Variants in MIS18A observed in about 807,000 individuals in gnomAD.
MIS18A encodes the protein protein Mis18-alpha.
MIS18A carries 14 observed loss-of-function variants against 25.0 expected under a neutral mutation model. The observed-to-expected ratio is 0.56, with a 90% CI of 0.37 to 0.88. MIS18A has a LOEUF of 0.88. MIS18A is among the 40% of genes least tolerant of loss of function. The pLI is 0.00. For synonymous variants in MIS18A, 134 were observed against 118.6 expected (o/e 1.13, Z -0.84); for missense variants, 292 against 290.8 (o/e 1.00, Z -0.03).
At position 32,274,867 on chromosome 21, in the gene MIS18A, C is replaced by T; in HGVS notation, c.364G>A (p.Glu122Lys). Residue 122 changes from glutamate (E) to lysine (K), a missense_variant, in exon 2 of 5, where the codon GAA becomes AAA. Physicochemically the swap from Glu to Lys is moderately conservative, Grantham distance 56 (BLOSUM62 1). Coordinates refer to ENST00000290130, the MANE Select transcript of MIS18A (RefSeq NM_018944.3). ...CVSCNVSVDK[E>K]QKLSKREKEN... The stretch of plus-strand genomic sequence containing the variant: ...TTTTCACGTTTGGATAGCTTCTGTT[C>T]CTTATCCACAGAAACATTACAGGAA... The T allele has an allele frequency of 1.9e-6, 3 of 1,612,884 alleles. No homozygotes were observed. The highest frequency in any genetic ancestry group is 2.5e-6 in the Non-Finnish European group (3 of 1,179,170).
At chr21:32,181,424 TG>T in the MIS18A span, among the ~76,000 whole-genome samples, 1 of 152,232 alleles carries the variant, frequency 6.6e-6, no homozygotes, top group African/African-American at 2.4e-5. Context: ...CTGTTGGTTC[TG>T]TTTCTCTGGG....
the MIS18A span, among the ~76,000 whole-genome samples, chr21:32,255,417 G>A: frequency 9.9e-5 from 15 of 151,700 alleles, no homozygotes; most frequent in African/African-American, 3.1e-4. Context: ...TTTTTTAGTA[G>A]AGATGCGGTT....
the MIS18A span, among the ~76,000 whole-genome samples, chr21:32,228,894 G>A: frequency 6.6e-6 from 1 of 152,142 alleles, no homozygotes; most frequent in South Asian, 2.1e-4. Context: ...TGTGTTCATA[G>A]ATTGGAAGAC....
the MIS18A span, among the ~76,000 whole-genome samples, chr21:32,201,053 G>A: frequency 0.013 from 1,945 of 152,226 alleles, 33 homozygotes; most frequent in African/African-American, 0.043. Flanking sequence ...GAGACATGGC[G>A]CCAGCATCTG....
the MIS18A span, among the ~76,000 whole-genome samples, chr21:32,183,833 C>T: frequency 6.6e-5 from 10 of 152,194 alleles, no homozygotes; most frequent in Non-Finnish European, 1.0e-4. Flanking sequence ...AGGAAGTGGT[C>T]ACCACTAAGG....
chr21:32,174,384 A>G, the MIS18A span, among the ~76,000 whole-genome samples: 1 of 152,232 alleles, frequency 6.6e-6, no homozygotes, highest in Admixed American at 6.5e-5. Flanking sequence ...AGCACTAATC[A>G]AAAGAATGCT....
chr21:32,243,828 G>A, the MIS18A span, among the ~76,000 whole-genome samples: 17 of 152,166 alleles, frequency 1.1e-4, no homozygotes, highest in African/African-American at 4.1e-4. Flanking sequence ...GACTAGCCTG[G>A]CTAACATGAT....
the MIS18A span, among the ~76,000 whole-genome samples, chr21:32,199,056 G>C: frequency 6.6e-6 from 1 of 152,202 alleles, no homozygotes; most frequent in Admixed American, 6.5e-5. Context: ...AATTGGAATG[G>C]ATTGGATTGG....
At chr21:32,230,536 C>T in the MIS18A span, among the ~76,000 whole-genome samples, 1 of 152,136 alleles carries the variant, frequency 6.6e-6, no homozygotes, top group African/African-American at 2.4e-5. Context: ...AGTTACTGAA[C>T]GGAAGGGAGT....
chr21:32,232,794 T>C, the MIS18A span, among the ~76,000 whole-genome samples: 1 of 152,144 alleles, frequency 6.6e-6, no homozygotes, highest in Non-Finnish European at 1.5e-5. Context: ...GGAGACAAAG[T>C]TGCAGATAGG....
chr21:32,198,365 T>G, the MIS18A span, among the ~76,000 whole-genome samples: 1 of 152,220 alleles, frequency 6.6e-6, no homozygotes, highest in Non-Finnish European at 1.5e-5. Flanking sequence ...TGAAAAAGAC[T>G]TCTAGACACT....
chr21:32,196,459 C>CTT, the MIS18A span, among the ~76,000 whole-genome samples: 516 of 130,986 alleles, frequency 3.9e-3, 6 homozygotes, highest in African/African-American at 0.014. Flanking sequence ...GAGCTAATGT[C>CTT]TTTTTTTTTT....
At chr21:32,189,807 C>A in the MIS18A span, among the ~76,000 whole-genome samples, 1 of 152,210 alleles carries the variant, frequency 6.6e-6, no homozygotes, top group Non-Finnish European at 1.5e-5. Context: ...CCATCCTCTG[C>A]ATCCACCCTG....
the MIS18A span, among the ~76,000 whole-genome samples, chr21:32,228,223 G>T: frequency 6.6e-6 from 1 of 152,132 alleles, no homozygotes; most frequent in East Asian, 1.9e-4. Context: ...TGAGTAGCTG[G>T]GATTACAGGC....
chr21:32,200,717 C>A, the MIS18A span, among the ~76,000 whole-genome samples: 1 of 152,108 alleles, frequency 6.6e-6, no homozygotes, highest in Non-Finnish European at 1.5e-5. Context: ...GGATTACAGG[C>A]GTGAGCCACC....
At chr21:32,222,062 A>G in the MIS18A span, among the ~76,000 whole-genome samples, 1 of 152,120 alleles carries the variant, frequency 6.6e-6, no homozygotes, top group Non-Finnish European at 1.5e-5. Context: ...ACGTGCAAAG[A>G]CACATATAGG....
At chr21:32,273,199 TAGG>T (rs541945454) in intron 2 of MIS18A, among the ~76,000 whole-genome samples, 187 of 152,004 alleles carry the variant, frequency 1.2e-3, no homozygotes, top group African/African-American at 4.4e-3. Flanking sequence ...AAGACCTTTC[TAGG>T]TACACCACCC....
chr21:32,178,651 A>G, the MIS18A span, among the ~76,000 whole-genome samples: 12 of 152,124 alleles, frequency 7.9e-5, no homozygotes, highest in Non-Finnish European at 1.6e-4. Context: ...CTCTTTTAAA[A>G]TCTTCTTTGT....
the MIS18A span, among the ~76,000 whole-genome samples, chr21:32,165,237 G>A: frequency 6.6e-5 from 10 of 152,232 alleles, no homozygotes; most frequent in South Asian, 8.3e-4. Context: ...GGAGGCTGAC[G>A]CAGGAGAATT....
Sources: gnomAD v4.1 joint callset for allele counts (sites outside exome capture counted in the v4.1 genomes callset) on GRCh38, gnomAD v4.1.1 for gene constraint, MANE v1.5 for transcripts, NCBI Gene and HGNC (gene_info 2026-07-23, HGNC 2026-07-21) for gene names.